Variants in SFMBT2 observed in about 807,000 individuals in gnomAD.
The protein encoded by SFMBT2 is Scm like with four mbt domains 2.
In SFMBT2, 38 loss-of-function variants were observed where a neutral mutation model predicts 110.1. The ratio of observed to expected loss-of-function variants is 0.35; its 90% CI spans 0.27 to 0.45. The LOEUF (loss-of-function observed/expected upper bound fraction) is 0.45. Ranked by LOEUF, SFMBT2 falls within the 20% of genes least tolerant of loss-of-function variation. SFMBT2 has a pLI of 1.00. For synonymous variants in SFMBT2, 425 were observed against 425.4 expected, an observed-to-expected ratio of 1.00 and a Z score of 0.01; for missense variants, 1,011 against 1,094.9, an observed-to-expected ratio of 0.92 and a Z score of 1.08.
chr10:7,337,241 T>C (rs1843743774), intron 4 of SFMBT2, among the ~76,000 whole-genome samples: 1 of 152,210 alleles, frequency 6.6e-6, no homozygotes, highest in Non-Finnish European at 1.5e-5. Context: ...AAGCCGCTGC[T>C]ATTAGGCCCA....
At chr10:7,364,595 A>G (rs1234304031) in intron 4 of SFMBT2, among the ~76,000 whole-genome samples, 1 of 152,262 alleles carries the variant, frequency 6.6e-6, no homozygotes, top group Non-Finnish European at 1.5e-5. Context: ...ACTATTCACT[A>G]GAGAAGCTAT....
At chr10:7,253,914 C>T (rs1470750507) in intron 7 of SFMBT2, among the ~76,000 whole-genome samples, 1 of 151,218 alleles carries the variant, frequency 6.6e-6, no homozygotes, top group Non-Finnish European at 1.5e-5. Flanking sequence ...TGAGAAGACT[C>T]AAGAATAAAG....
intron 1 of SFMBT2, among the ~76,000 whole-genome samples, chr10:7,410,371 G>C (rs769848256): frequency 3.9e-5 from 6 of 152,254 alleles, no homozygotes; most frequent in East Asian, 1.9e-4. Context: ...CCAAAAGAAA[G>C]GGGAGACCCC....
chr10:7,211,709 T>G (rs1839355418), intron 11 of SFMBT2, among the ~76,000 whole-genome samples: 1 of 152,218 alleles, frequency 6.6e-6, no homozygotes. Flanking sequence ...TACTTCTTCT[T>G]TGTAAAGGTT....
intron 1 of SFMBT2, among the ~76,000 whole-genome samples, chr10:7,407,404 G>A (rs1422114967): frequency 6.6e-6 from 1 of 152,184 alleles, no homozygotes; most frequent in Non-Finnish European, 1.5e-5. Context: ...GGGATGGAGA[G>A]TGGTGGGCAG....
rs939277786 is a variant in SFMBT2, at chr10:7,163,549, A to G, written c.*221T>C. 3 of 508,212 alleles carry G rather than the reference A, an allele frequency of 5.9e-6. No individual in the cohort carries two copies. The South Asian group carries it at 7.7e-5, about 13-fold the overall frequency. 31.5% of individuals were successfully genotyped at this position (508,212 alleles called of 1,614,324 possible). ...GCCCACGTCTGGCAGGGTCTGATGC[A>G]TGACTTTAACTGGCACTCCCCAGAA... On this transcript the variant is annotated 3_prime_UTR_variant, in exon 21 of 21. Transcript: ENST00000397167. This position sits in a 1 kb window ranked among gnomAD's most constrained non-coding sequence, Gnocchi z 4.8.
rs1312990135 is a variant in SFMBT2, at chr10:7,293,629, C to A, written c.437-7675G>T. On this transcript the variant is annotated intron_variant, in intron 4 of 20. Transcript: ENST00000397167. This position sits in a 1 kb window ranked among gnomAD's most constrained non-coding sequence, Gnocchi z 4.6. ...ATGACTATGAGATACTGCATCACAGCTAGACTGCATAATAAAGAGACCCAA... is the reference window on the plus strand; with the variant it reads ...ATGACTATGAGATACTGCATCACAGATAGACTGCATAATAAAGAGACCCAA... Among the ~76,000 whole-genome samples the A allele has an allele frequency of 6.6e-6, 1 of 152,162 alleles. No homozygotes were observed. The highest frequency in any genetic ancestry group is 1.5e-5 in the Non-Finnish European group (1 of 68,018).
At chr10:7,373,778 AGAG>A (rs1484383035) in intron 2 of SFMBT2, among the ~76,000 whole-genome samples, 8 of 152,206 alleles carry the variant, frequency 5.3e-5, no homozygotes, top group South Asian at 2.1e-4. Flanking sequence ...CCACCTGCGA[AGAG>A]GAGAAGAGTG....
intron 4 of SFMBT2, among the ~76,000 whole-genome samples, chr10:7,336,451 A>T (rs181440657): frequency 6.6e-6 from 1 of 152,340 alleles, no homozygotes; most frequent in Admixed American, 6.5e-5. Flanking sequence ...GCAAATTAAA[A>T]TGAGGCAGAA....
At chr10:7,376,266 G>A (rs1373252031) in intron 2 of SFMBT2, among the ~76,000 whole-genome samples, 1 of 152,090 alleles carries the variant, frequency 6.6e-6, no homozygotes, top group East Asian at 1.9e-4. Context: ...TGTCTGCTGG[G>A]GAGGCCACAG....
At chr10:7,267,851 C>G (rs561965955) in intron 7 of SFMBT2, among the ~76,000 whole-genome samples, 1 of 152,290 alleles carries the variant, frequency 6.6e-6, no homozygotes, top group Middle Eastern at 3.4e-3. Flanking sequence ...ATGTCCCTTC[C>G]TTGCTGTGAC....
chr10:7,195,394 G>GAATTTCTC (rs1838735955), intron 15 of SFMBT2, among the ~76,000 whole-genome samples: 2 of 152,270 alleles, frequency 1.3e-5, no homozygotes, highest in South Asian at 4.1e-4. Context: ...CTTTAGCTGT[G>GAATTTCTC]AATTTCTCAT....
At chr10:7,330,939 C>T (rs771371830) in intron 4 of SFMBT2, among the ~76,000 whole-genome samples, 8 of 152,336 alleles carry the variant, frequency 5.3e-5, no homozygotes, top group Admixed American at 1.3e-4. Context: ...CAGCAGTTTG[C>T]GGTCATCTTC....
chr10:7,202,703 C>T, intron 12 of SFMBT2, 181 bp from the exon 13 acceptor site: 5 of 985,404 alleles, frequency 5.1e-6, no homozygotes, highest in Non-Finnish European at 6.0e-6. Context: ...TAGACGTTAA[C>T]TCACCAGATG....
At chr10:7,304,622 G>A (rs1426637625) in intron 4 of SFMBT2, among the ~76,000 whole-genome samples, 3 of 152,130 alleles carry the variant, frequency 2.0e-5, no homozygotes, top group Admixed American at 2.0e-4. Flanking sequence ...GGCTGTCCAG[G>A]CCCTTAGACT....
At chr10:7,164,746 AACACACACACACACACACACAC>A (rs58744416) in intron 20 of SFMBT2, among the ~76,000 whole-genome samples, 2 of 137,740 alleles carry the variant, frequency 1.5e-5, no homozygotes, top group Non-Finnish European at 3.1e-5. Context: ...CATAAAGGGA[AACACACACACACACACACACAC>A]ACACACACAC....
chr10:7,202,649 G>A lies in SFMBT2; in HGVS notation c.1445-127C>T, dbSNP rs769519510. 2.3e-4 allele frequency: 361 copies of A among 1,544,654 alleles called. No individual in the cohort carries two copies. In the African/African-American group the frequency reaches 2.7e-3, roughly 12 times the overall value. The stretch of plus-strand genomic sequence containing the variant: ...AGCAATTTAAATGCTGAAAAGTTAC[G>A]TCATTCATGCCACAATTTCCTATCA... On this transcript the variant is annotated intron_variant, in intron 12 of 20. Coordinates refer to ENST00000397167, the MANE Select transcript of SFMBT2 (RefSeq NM_001387889.1).
chr10:7,406,580 A>G (rs1261964396), intron 1 of SFMBT2, among the ~76,000 whole-genome samples: 1 of 152,150 alleles, frequency 6.6e-6, no homozygotes, highest in African/African-American at 2.4e-5. Context: ...AGAGTCAGGA[A>G]CCTTTTCTGG....
Position 7,401,881 on chromosome 10 carries a change from G to A in SFMBT2, c.-52+8980C>T, listed in dbSNP as rs1846091588. 2.6e-5 allele frequency among the ~76,000 whole-genome samples: 4 copies of A among 152,078 alleles called. No individual in the cohort carries two copies. The South Asian group carries it at 8.3e-4, about 31-fold the overall frequency. Reference sequence around the variant, plus strand: ...CACGGGACATTTCTCCACGTGTTCCGCACAACCATGCATCTCATTCCAACA... The same window carrying A: ...CACGGGACATTTCTCCACGTGTTCCACACAACCATGCATCTCATTCCAACA... On this transcript the variant is annotated intron_variant, in intron 1 of 20. Transcript: ENST00000397167.
Sources: gnomAD v4.1 joint callset for allele counts (sites outside exome capture counted in the v4.1 genomes callset) on GRCh38, gnomAD v4.1.1 for gene constraint, Gnocchi (gnomAD v3.1) non-coding constraint, MANE v1.5 for transcripts, NCBI Gene and HGNC (gene_info 2026-07-23, HGNC 2026-07-21) for gene names.